Variants in SAXO1 observed in about 807,000 individuals in gnomAD.
The protein encoded by SAXO1 is stabilizer of axonemal microtubules 1.
Under a neutral mutation model 17.5 loss-of-function variants are expected in SAXO1, and 21 were observed. The observed-to-expected ratio is 1.20, with a 90% confidence interval of 0.85 to 1.72. The LOEUF is 1.72. Among genes scored for constraint, SAXO1 ranks in the 40% most tolerant of loss-of-function variants. SAXO1 has a pLI of 0.00. For missense variants in SAXO1, 843 were observed against 596.0 expected (o/e 1.41, Z -4.32); for synonymous variants, 274 against 216.5 (o/e 1.27, Z -2.33).
rs370472651 is a variant in SAXO1 at position 18,928,892 on chromosome 9, C to T, written c.585G>A (p.Lys195=). Residue 195 remains lysine, a synonymous_variant, in exon 4 of 4, where the codon AAG becomes AAA. Transcript: ENST00000380534. ...CATCCTCCAAGGGGATGTTACAGAG[C>T]TTTGGCATGGCCAGAGGTTTACAGC... ...TISCKPLAMP[K]LCNIPLEDVT... The T allele has an allele frequency of 1.2e-6, 2 of 1,614,174 alleles. No individual in the cohort carries two copies. The highest frequency in any genetic ancestry group is 1.1e-5 in the South Asian group (1 of 91,084).
chr9:18,966,319 T>C (rs889211457), intron 1 of SAXO1, among the ~76,000 whole-genome samples: 14 of 152,234 alleles, frequency 9.2e-5, no homozygotes, highest in Admixed American at 7.8e-4. Flanking sequence ...CCCTGGATTA[T>C]ATCCTGAAAA....
intron 1 of SAXO1, among the ~76,000 whole-genome samples, chr9:18,981,961 G>C (rs915236217): frequency 6.6e-6 from 1 of 152,164 alleles, no homozygotes; most frequent in Non-Finnish European, 1.5e-5. Context: ...CCTGACACAA[G>C]AGAATGAAGA....
intron 1 of SAXO1, among the ~76,000 whole-genome samples, chr9:18,989,408 G>T (rs990465303): frequency 1.3e-5 from 2 of 152,106 alleles, no homozygotes; most frequent in African/African-American, 4.8e-5. Flanking sequence ...TAGGTATATT[G>T]ATGTTATCTG....
At chr9:18,994,255 T>C (rs916534703) in intron 1 of SAXO1, among the ~76,000 whole-genome samples, 2 of 152,164 alleles carry the variant, frequency 1.3e-5, no homozygotes, top group African/African-American at 4.8e-5. Context: ...TTTTTACATG[T>C]ACATTTTCTC....
Position 18,941,728 on chromosome 9 carries a change from A to G in SAXO1, c.330T>C (p.Asn110=), listed in dbSNP as rs1588414650. The G allele has an allele frequency of 1.2e-6, 2 of 1,613,746 alleles. 1 individual carries two copies. The highest frequency in any genetic ancestry group is 3.3e-4 in the Middle Eastern group (2 of 6,062). The change falls in exon 3 of 4, where the codon AAT becomes AAC. Residue 110 remains asparagine, a synonymous_variant. Transcript: ENST00000380534. ...GGTCCACTCGACAGACAGGGTAGGG[A>G]TTGTAATCTTTCTTATACGTCGTGA... is the stretch of plus-strand genomic sequence containing the variant. ...DLLTTYKKDY[N]PYPVCRVDPI...
chr9:19,030,556 A>G (rs1015238673), intron 1 of SAXO1, among the ~76,000 whole-genome samples: 1 of 152,080 alleles, frequency 6.6e-6, no homozygotes, highest in African/African-American at 2.4e-5. Flanking sequence ...AAATGCAAAA[A>G]TTAGCCCAGC....
chr9:19,011,848 G>GTTTTTTTTTTTTTTTTTTTTTTTT (rs10646825), intron 1 of SAXO1, among the ~76,000 whole-genome samples: 6 of 143,520 alleles, frequency 4.2e-5, no homozygotes, highest in African/African-American at 5.2e-5. Context: ...ATTAAGCATA[G>GTTTTTTTTTTTTTTTTTTTTTTTT]ATTTTTTTTT....
intron 1 of SAXO1, among the ~76,000 whole-genome samples, chr9:18,970,789 T>C (rs765206393): frequency 6.6e-6 from 1 of 152,224 alleles, no homozygotes; most frequent in Non-Finnish European, 1.5e-5. Context: ...GATGGAATTA[T>C]TGGAAGTCCT....
chr9:19,025,325 G>T (rs1835429388), intron 1 of SAXO1, among the ~76,000 whole-genome samples: 1 of 151,874 alleles, frequency 6.6e-6, no homozygotes, highest in Admixed American at 6.6e-5. Context: ...TTAAAAATAA[G>T]AATTCTTCTT....
Position 18,928,806 on chromosome 9 carries a change from G to C in SAXO1, c.671C>G (p.Ala224Gly). ...GATTTCACAGGGCCTGAACTTCTCT[G>C]CTTCATGCACAAAGCGCTTCTCCAC... ...HPVEKRFVHEAEKFRPCEIPF... is the reference protein window; with the variant it reads ...HPVEKRFVHEGEKFRPCEIPF... Residue 224 changes from alanine to glycine, a missense_variant, in exon 4 of 4, where the codon GCA (alanine) becomes GGA (glycine). By Grantham distance (60) the Ala-to-Gly change is moderately conservative. Transcript: ENST00000380534. 1.2e-6 allele frequency: 2 copies of C among 1,614,128 alleles called. No individual in the cohort carries two copies. The highest frequency in any genetic ancestry group is 1.7e-6 in the Non-Finnish European group (2 of 1,180,024).
At chr9:19,034,990 A>G (rs1360978696), upstream of SAXO1, among the ~76,000 whole-genome samples, 2 of 152,160 alleles carry the variant, frequency 1.3e-5, no homozygotes, top group South Asian at 2.1e-4. Context: ...CATGCCCTCA[A>G]TAGAGGGTAG....
At chr9:18,956,696 G>A (rs1046821395) in intron 1 of SAXO1, among the ~76,000 whole-genome samples, 2 of 152,138 alleles carry the variant, frequency 1.3e-5, no homozygotes, top group African/African-American at 4.8e-5. Flanking sequence ...CTACTACTTA[G>A]TATGATTATG....
At chr9:19,045,085 T>C (rs1006913099) in intron 1 of SAXO1, among the ~76,000 whole-genome samples, 1 of 142,842 alleles carries the variant, frequency 7.0e-6, no homozygotes, top group Non-Finnish European at 1.5e-5. Context: ...CCGAGGCGGG[T>C]GGATCATGAG....
At chr9:18,967,647 G>C (rs1381298999) in intron 1 of SAXO1, among the ~76,000 whole-genome samples, 1 of 152,234 alleles carries the variant, frequency 6.6e-6, no homozygotes, top group African/African-American at 2.4e-5. Context: ...CTGGCAGCAA[G>C]AATTTCAAGC....
chr9:18,935,353 A>T (rs1831239113), intron 3 of SAXO1, among the ~76,000 whole-genome samples: 2 of 152,182 alleles, frequency 1.3e-5, no homozygotes, highest in Non-Finnish European at 2.9e-5. Context: ...ACATACAAAG[A>T]TCAGGCAGTT....
intron 1 of SAXO1, chr9:19,027,616 T>C (rs1563990927): frequency 7.0e-7 from 1 of 1,435,282 alleles, no homozygotes; most frequent in East Asian, 2.3e-5. Flanking sequence ...AGATGTTCAC[T>C]GGAGATGGTG....
intron 1 of SAXO1, among the ~76,000 whole-genome samples, chr9:18,954,303 CAAAACTTGGAGCATTGGCTCCAAGCTAG>C (rs1832157780): frequency 6.6e-6 from 1 of 151,740 alleles, no homozygotes; most frequent in Non-Finnish European, 1.5e-5. Context: ...AAATAATTAA[CAAAACTTGGAGCATTGGCTCCAAGCTAG>C]AATCACAGAA....
intron 1 of SAXO1, chr9:19,027,362 C>G (rs769716192): frequency 2.4e-4 from 184 of 777,430 alleles, no homozygotes; most frequent in Admixed American, 3.6e-4. Flanking sequence ...CGGGTGAAGG[C>G]CACAGAGGTG....
intron 1 of SAXO1, among the ~76,000 whole-genome samples, chr9:19,015,005 C>G (rs1309144877): frequency 6.6e-6 from 1 of 152,044 alleles, no homozygotes; most frequent in Admixed American, 6.6e-5. Context: ...AGATGTAAGG[C>G]AAATCAGAGC....
Sources: gnomAD v4.1 joint callset for allele counts (sites outside exome capture counted in the v4.1 genomes callset) on GRCh38, gnomAD v4.1.1 for gene constraint, MANE v1.5 for transcripts, NCBI Gene and HGNC (gene_info 2026-07-23, HGNC 2026-07-21) for gene names.